The following RETREG1 variants were observed in gnomAD, a reference collection of about 807,000 sequenced individuals.
The protein encoded by RETREG1 is reticulophagy regulator 1.
Under a neutral mutation model 54.8 loss-of-function variants are expected in RETREG1, and 44 were observed. That is an observed-to-expected ratio of 0.80 (90% CI 0.63 to 1.03). The LOEUF is 1.03. Among genes scored for constraint, RETREG1 ranks in the 50% least tolerant of loss-of-function variants. The pLI, the probability that RETREG1 is intolerant of heterozygous loss-of-function variation, is 0.00. For synonymous variants in RETREG1, 217 were observed against 238.5 expected (o/e 0.91, Z 0.83); for missense variants, 554 against 605.1 (o/e 0.92, Z 0.89).
Position 16,594,285 on chromosome 5 carries a change from T to C in RETREG1, c.321-22183A>G, listed in dbSNP as rs534668186. ...TTCTCCTGATGCCCAACTTTCATTT[T>C]GATAAATGAAAGCTACAAGTTCTAA... On this transcript the variant is annotated intron_variant, in intron 1 of 8. Coordinates refer to ENST00000306320, the MANE Select transcript of RETREG1 (RefSeq NM_001034850.3). This position sits in a 1 kb window ranked among gnomAD's most constrained non-coding sequence, Gnocchi z 4.4. 4.6e-5 allele frequency among the ~76,000 whole-genome samples: 7 copies of C among 152,346 alleles called. No homozygotes were observed. The East Asian group carries it at 9.6e-4, about 21-fold the overall frequency.
chr5:16,606,612 A>G (rs114689850), intron 1 of RETREG1, among the ~76,000 whole-genome samples: 1 of 151,766 alleles, frequency 6.6e-6, no homozygotes, highest in Non-Finnish European at 1.5e-5. Context: ...GGCACTCCTC[A>G]TCTAGCCCAT....
intron 5 of RETREG1, among the ~76,000 whole-genome samples, chr5:16,480,649 G>A (rs1738728205): frequency 6.6e-6 from 1 of 152,076 alleles, no homozygotes; most frequent in South Asian, 2.1e-4. Context: ...TTCTGGTAGG[G>A]ATGCAATGGT....
At chr5:16,586,547 G>A (rs1742631009) in intron 1 of RETREG1, among the ~76,000 whole-genome samples, 1 of 152,198 alleles carries the variant, frequency 6.6e-6, no homozygotes, top group Non-Finnish European at 1.5e-5. Context: ...GTGGGTCAGA[G>A]CTCCAAGGAG....
chr5:16,543,952 G>A (rs1290446504), intron 3 of RETREG1, among the ~76,000 whole-genome samples: 2 of 150,364 alleles, frequency 1.3e-5, no homozygotes, highest in Non-Finnish European at 3.0e-5. Context: ...GATTTTTTAT[G>A]GGTTTGTTTA....
chr5:16,508,702 C>T, intron 3 of RETREG1: 1 of 1,597,666 alleles, frequency 6.3e-7, no homozygotes, highest in East Asian at 2.3e-5. Context: ...CTTTTCTACT[C>T]TAATGCTGAA....
chr5:16,603,555 G>A (rs1320148629), intron 1 of RETREG1, among the ~76,000 whole-genome samples: 1 of 152,128 alleles, frequency 6.6e-6, no homozygotes, highest in Non-Finnish European at 1.5e-5. Context: ...TGGGAGAGCG[G>A]CTGCCTACAG....
At position 16,473,506 on chromosome 5, in the gene RETREG1, A is replaced by G. The variant is rs372275936; in HGVS notation, c.*1235T>C. On this transcript the variant is annotated 3_prime_UTR_variant, in exon 9 of 9. Transcript: ENST00000306320. The stretch of plus-strand genomic sequence containing the variant: ...CTGAGGGTCTCAGATGTCTCTATGC[A>G]TCTGCCAAAATGCCAGCTGTACCTG... 15 of 152,692 alleles carry G rather than the reference A, an allele frequency of 9.8e-5. No homozygotes were observed. The East Asian group carries it at 2.3e-3, about 24-fold the overall frequency. 9.5% of individuals were successfully genotyped at this position (152,692 alleles called of 1,614,324 possible). A position where few individuals can be genotyped will look rare whatever the true frequency, so the allele number is the denominator to read the frequency against.
chr5:16,503,009 C>T (rs1739779937), intron 3 of RETREG1, among the ~76,000 whole-genome samples: 1 of 152,240 alleles, frequency 6.6e-6, no homozygotes, highest in Admixed American at 6.5e-5. Flanking sequence ...ATAGCAGCTG[C>T]AGCCCTCCTT....
intron 2 of RETREG1, among the ~76,000 whole-genome samples, chr5:16,569,136 C>A (rs1321463417): frequency 6.6e-6 from 1 of 152,060 alleles, no homozygotes; most frequent in East Asian, 1.9e-4. Flanking sequence ...AGGAGGCCTG[C>A]GAGATGGGAC....
rs1041449638 is a variant in RETREG1 at position 16,487,998 on chromosome 5, G to A, written c.459-4526C>T. Among the ~76,000 whole-genome samples the A allele has an allele frequency of 2.8e-4, 42 of 152,352 alleles. 1 individual carries two copies. Among genetic ancestry groups the A allele is most frequent in the African/African-American group, 1.0e-3 (42 of 41,584 alleles). On this transcript the variant is annotated intron_variant, in intron 3 of 8. Coordinates refer to ENST00000306320, the MANE Select transcript of RETREG1 (RefSeq NM_001034850.3). ...AGACACCCAGGGCACTGTTTAAGCA[G>A]CAGCTGTGTGGGCCTTACTGAAGAG...
chr5:16,515,385 A>T (rs1740316633), intron 3 of RETREG1, among the ~76,000 whole-genome samples: 1 of 152,202 alleles, frequency 6.6e-6, no homozygotes, highest in African/African-American at 2.4e-5. Flanking sequence ...TAATCTCCTT[A>T]TTCCAATCTG....
intron 5 of RETREG1, among the ~76,000 whole-genome samples, chr5:16,479,607 G>T (rs1738684055): frequency 6.6e-6 from 1 of 152,008 alleles, no homozygotes; most frequent in Non-Finnish European, 1.5e-5. Context: ...TCATCATGAG[G>T]CTGATGTTAT....
Position 16,585,565 on chromosome 5 carries a change from G to C in RETREG1, c.321-13463C>G, listed in dbSNP as rs377220988. On this transcript the variant is annotated intron_variant, in intron 1 of 8. Coordinates refer to ENST00000306320, the MANE Select transcript of RETREG1 (RefSeq NM_001034850.3). This position sits in a 1 kb window ranked among gnomAD's most constrained non-coding sequence, Gnocchi z 4.5. ...TGGTCACAGCAGGGAAGGGGACTTC[G>C]AGGCAGGGCGGGTGAGTCAAGTTCT... Among the ~76,000 whole-genome samples, 1 of 152,166 alleles carries C rather than the reference G, an allele frequency of 6.6e-6. No individual in the cohort carries two copies. The highest frequency in any genetic ancestry group is 1.5e-5 in the Non-Finnish European group (1 of 68,032).
At chr5:16,530,129 G>A (rs898562137) in intron 3 of RETREG1, among the ~76,000 whole-genome samples, 2 of 152,030 alleles carry the variant, frequency 1.3e-5, no homozygotes, top group African/African-American at 2.4e-5. Context: ...GTCCACTTTC[G>A]GGGAACCTAA....
intron 1 of RETREG1, among the ~76,000 whole-genome samples, chr5:16,579,672 C>CAGAA (rs1421386056): frequency 3.3e-5 from 5 of 152,180 alleles, no homozygotes; most frequent in African/African-American, 1.2e-4. Context: ...CATAGTTTTG[C>CAGAA]CTTTTCCAGA....
At chr5:16,545,972 A>G (rs1415226181) in intron 3 of RETREG1, among the ~76,000 whole-genome samples, 1 of 152,228 alleles carries the variant, frequency 6.6e-6, no homozygotes, top group Admixed American at 6.5e-5. Context: ...CTGGGTTACA[A>G]GAGGCAGCAT....
intron 5 of RETREG1, 146 bp from the exon 6 acceptor site, chr5:16,479,133 T>C (rs1738662478): frequency 2.6e-6 from 2 of 767,770 alleles, no homozygotes; most frequent in Non-Finnish European, 4.3e-6. Flanking sequence ...GTTTATAATT[T>C]CTATTCTTTT....
chr5:16,502,102 G>A (rs769009988), intron 3 of RETREG1, among the ~76,000 whole-genome samples: 6 of 151,294 alleles, frequency 4.0e-5, no homozygotes, highest in South Asian at 2.1e-4. Context: ...GACTACAGGC[G>A]CCCGCCACCA....
intron 3 of RETREG1, among the ~76,000 whole-genome samples, chr5:16,510,060 A>G (rs1032259270): frequency 6.6e-6 from 1 of 152,198 alleles, no homozygotes; most frequent in African/African-American, 2.4e-5. Flanking sequence ...TTCTGTTGTT[A>G]TGTTATAGCT....
Sources: allele counts gnomAD v4.1 joint callset (sites outside exome capture counted in the v4.1 genomes callset), GRCh38; gene constraint gnomAD v4.1.1; non-coding constraint Gnocchi (gnomAD v3.1); transcripts MANE v1.5; gene names NCBI Gene and HGNC (gene_info 2026-07-23, HGNC 2026-07-21).